TANC1: variants seen among roughly 807,000 people sequenced by gnomAD.
The protein encoded by TANC1 is tetratricopeptide repeat, ankyrin repeat and coiled-coil containing 1.
In TANC1, 77 loss-of-function variants were observed where a neutral mutation model predicts 149.7. The observed-to-expected ratio is 0.51, with a 90% confidence interval of 0.43 to 0.62. The LOEUF (loss-of-function observed/expected upper bound fraction) is 0.62. TANC1 is among the 20% of genes least tolerant of loss of function. TANC1 has a pLI of 0.00. For synonymous variants in TANC1, 854 were observed against 925.0 expected (o/e 0.92, Z 1.39); for missense variants, 1,985 against 2,321.8 (o/e 0.85, Z 2.98).
intron 1 of TANC1, among the ~76,000 whole-genome samples, chr2:158,989,431 C>CTCA (rs1229652224): frequency 4.0e-5 from 6 of 151,316 alleles, no homozygotes; most frequent in African/African-American, 1.5e-4. Context: ...GTAGTGAGAC[C>CTCA]TCATCTCTAC....
At chr2:159,032,744 G>A (rs2039884284) in intron 2 of TANC1, among the ~76,000 whole-genome samples, 1 of 151,122 alleles carries the variant, frequency 6.6e-6, no homozygotes, top group Non-Finnish European at 1.5e-5. Context: ...AGGGCTCTGA[G>A]GGAGAGCCTG....
At chr2:158,999,583 G>GT (rs2036445671) in intron 1 of TANC1, among the ~76,000 whole-genome samples, 1 of 152,074 alleles carries the variant, frequency 6.6e-6, no homozygotes, top group Non-Finnish European at 1.5e-5. Flanking sequence ...TATTTTGGGC[G>GT]TTCTGTTTTT....
chr2:158,994,530 C>G (rs909960650), intron 1 of TANC1, among the ~76,000 whole-genome samples: 2 of 152,162 alleles, frequency 1.3e-5, no homozygotes, highest in African/African-American at 4.8e-5. Flanking sequence ...CTTGGCTTCC[C>G]CAAGTGCTGG....
intron 5 of TANC1, chr2:159,147,503 C>T (rs115218217): frequency 8.5e-4 from 130 of 152,446 alleles, no homozygotes; most frequent in African/African-American, 2.5e-3. Context: ...GTTTGGTTCC[C>T]GCCCTCCTTT....
rs761357308 is a variant in TANC1 at position 159,231,038 on chromosome 2, AT to A, written c.*29del. The A allele has an allele frequency of 1.3e-6, 2 of 1,534,230 alleles. No individual in the cohort carries two copies. The highest frequency in any genetic ancestry group is 4.5e-5 in the East Asian group (2 of 44,174). On this transcript the variant is annotated 3_prime_UTR_variant, in exon 27 of 27. Coordinates refer to ENST00000263635, the MANE Select transcript of TANC1 (RefSeq NM_033394.3). ...ACCTTAAGAAATCCCCATTTGTGGA[AT>A]TTGGAAACGTGTGTTGACTCCTGGT...
intron 17 of TANC1, 32 bp downstream of exon 17, chr2:159,194,525 G>A (rs751491781): frequency 1.3e-6 from 2 of 1,558,832 alleles, no homozygotes; most frequent in Non-Finnish European, 8.8e-7. Context: ...TGGGGCTGGG[G>A]CAGGGAAATG....
intron 9 of TANC1, among the ~76,000 whole-genome samples, chr2:159,170,020 T>C (rs543131139): frequency 1.3e-5 from 2 of 151,902 alleles, no homozygotes; most frequent in East Asian, 3.9e-4. Context: ...TTGGACTGTA[T>C]TGGCCATGTT....
chr2:159,087,165 G>T (rs903520707), intron 3 of TANC1, among the ~76,000 whole-genome samples: 2 of 152,118 alleles, frequency 1.3e-5, no homozygotes, highest in Admixed American at 1.3e-4. Context: ...GTTCCTGAAA[G>T]AGAAGGCTGT....
chr2:159,082,067 C>T (rs1345932268), intron 3 of TANC1, among the ~76,000 whole-genome samples: 7 of 152,264 alleles, frequency 4.6e-5, no homozygotes, highest in Non-Finnish European at 2.9e-5. Flanking sequence ...ATACCCTGCT[C>T]TGCCCCATCT....
At chr2:159,194,105 ATT>A in intron 16 of TANC1, 150 bp from the exon 17 acceptor site, 1 of 671,448 alleles carries the variant, frequency 1.5e-6, no homozygotes, top group South Asian at 1.8e-5. Flanking sequence ...GAGAATGTGC[ATT>A]GTTAATATAT....
chr2:159,085,350 G>A (rs1460703437), intron 3 of TANC1, among the ~76,000 whole-genome samples: 1 of 152,076 alleles, frequency 6.6e-6, no homozygotes, highest in East Asian at 1.9e-4. Context: ...TAATTGCCTA[G>A]TCTCAGGTAT....
At chr2:158,984,230 C>T (rs2034752294) in intron 1 of TANC1, among the ~76,000 whole-genome samples, 1 of 152,212 alleles carries the variant, frequency 6.6e-6, no homozygotes, top group South Asian at 2.1e-4. Flanking sequence ...ACCCTTTTAA[C>T]TGTCCCAACT....
At chr2:159,139,807 T>C (rs1380933738) in intron 5 of TANC1, among the ~76,000 whole-genome samples, 1 of 152,222 alleles carries the variant, frequency 6.6e-6, no homozygotes, top group African/African-American at 2.4e-5. Flanking sequence ...AATAATTCAA[T>C]GTGAAACTAT....
At chr2:159,136,066 A>T in intron 4 of TANC1, 128 bp from the exon 5 acceptor site, 4 of 422,286 alleles carry the variant, frequency 9.5e-6, no homozygotes, top group African/African-American at 3.3e-5. Flanking sequence ...GCGCGCGTTT[A>T]AGGGAGGGGA....
At chr2:159,149,447 T>C (rs1574970002) in intron 6 of TANC1, 175 bp downstream of exon 6, 1 of 842,262 alleles carries the variant, frequency 1.2e-6, no homozygotes, top group East Asian at 2.8e-5. Flanking sequence ...AGTGGGGAGG[T>C]AGGGAAAAGC....
intron 10 of TANC1, 68 bp downstream of exon 10, chr2:159,170,873 A>G: frequency 5.8e-6 from 9 of 1,543,418 alleles, no homozygotes; most frequent in East Asian, 2.3e-5. Context: ...TGCTGTTCAC[A>G]TAGACATAAA....
chr2:159,055,616 C>T (rs962470755), intron 2 of TANC1, among the ~76,000 whole-genome samples: 1 of 152,212 alleles, frequency 6.6e-6, no homozygotes, highest in Non-Finnish European at 1.5e-5. Flanking sequence ...CTTTCAACTT[C>T]CTCATTCATT....
At chr2:159,093,682 C>T (rs1295609525) in intron 3 of TANC1, among the ~76,000 whole-genome samples, 5 of 151,452 alleles carry the variant, frequency 3.3e-5, no homozygotes, top group African/African-American at 1.2e-4. Context: ...AACAGAACAA[C>T]ATGTTTGAGA....
chr2:159,140,520 A>T (rs1374340138), intron 5 of TANC1, among the ~76,000 whole-genome samples: 1 of 152,112 alleles, frequency 6.6e-6, no homozygotes, highest in African/African-American at 2.4e-5. Context: ...ACACTATGCT[A>T]AATGCTATTT....
Sources: allele counts gnomAD v4.1 joint callset (sites outside exome capture counted in the v4.1 genomes callset), GRCh38; gene constraint gnomAD v4.1.1; transcripts MANE v1.5; gene names NCBI Gene and HGNC (gene_info 2026-07-23, HGNC 2026-07-21).